THSD4: variants seen among roughly 807,000 people sequenced by gnomAD.
The protein encoded by THSD4 is thrombospondin type 1 domain containing 4, also known as thrombospondin type-1 domain-containing protein 4.
Under a neutral mutation model 119.0 loss-of-function variants are expected in THSD4, and 69 were observed. That is an observed-to-expected ratio of 0.58 (90% CI 0.48 to 0.71). The LOEUF is 0.71. THSD4 is among the 30% of genes least tolerant of loss of function. The pLI is 0.00. For synonymous variants in THSD4, 524 were observed against 540.4 expected, an observed-to-expected ratio of 0.97 and a Z score of 0.42; for missense variants, 1,393 against 1,391.1, an observed-to-expected ratio of 1.00 and a Z score of -0.02.
intron 15 of THSD4, among the ~76,000 whole-genome samples, chr15:71,762,546 A>G (rs952827548): frequency 5.9e-5 from 9 of 152,164 alleles, no homozygotes; most frequent in African/African-American, 1.9e-4. Flanking sequence ...TCTAGTTTCC[A>G]TGTCTCCTGA....
chr15:71,515,782 G>C (rs1249934052), intron 7 of THSD4, among the ~76,000 whole-genome samples: 1 of 152,160 alleles, frequency 6.6e-6, no homozygotes, highest in Non-Finnish European at 1.5e-5. Context: ...AGGTTGCCTC[G>C]GGTTTCACGG....
At chr15:71,508,180 G>A (rs558094187) in intron 7 of THSD4, among the ~76,000 whole-genome samples, 45 of 152,246 alleles carry the variant, frequency 3.0e-4, no homozygotes, top group Middle Eastern at 3.4e-3. Flanking sequence ...TCAGGAGTTT[G>A]CACCAGAGCC....
chr15:71,663,122 C>T (rs553836051), intron 8 of THSD4, among the ~76,000 whole-genome samples: 15 of 152,204 alleles, frequency 9.9e-5, no homozygotes, highest in African/African-American at 3.6e-4. Context: ...TGCGGTGACA[C>T]ATGCCTATAG....
chr15:71,346,534 T>G (rs779633115), intron 6 of THSD4, among the ~76,000 whole-genome samples: 19 of 152,214 alleles, frequency 1.2e-4, no homozygotes, highest in Non-Finnish European at 2.6e-4. Flanking sequence ...CATCACTCTT[T>G]GAGCACTTCT....
At chr15:71,609,237 T>C (rs113789399) in intron 7 of THSD4, among the ~76,000 whole-genome samples, 1 of 152,208 alleles carries the variant, frequency 6.6e-6, no homozygotes, top group African/African-American at 2.4e-5. Context: ...GTAACACATA[T>C]ATGAATTCAT....
chr15:71,397,823 T>G (rs557614194), intron 6 of THSD4, among the ~76,000 whole-genome samples: 2 of 152,214 alleles, frequency 1.3e-5, no homozygotes, highest in African/African-American at 4.8e-5. Context: ...ATAGTAATAG[T>G]GTCTACTTCT....
At chr15:71,772,312 A>G (rs926242684) in intron 17 of THSD4, among the ~76,000 whole-genome samples, 1 of 152,200 alleles carries the variant, frequency 6.6e-6, no homozygotes, top group Non-Finnish European at 1.5e-5. Context: ...TAAGTTTCCT[A>G]TGTCCCAGCA....
intron 6 of THSD4, among the ~76,000 whole-genome samples, chr15:71,307,975 C>T (rs1265895267): frequency 6.6e-6 from 1 of 152,150 alleles, no homozygotes; most frequent in Non-Finnish European, 1.5e-5. Flanking sequence ...CATGCTTCCC[C>T]ACCAGGGAAG....
intron 8 of THSD4, among the ~76,000 whole-genome samples, chr15:71,665,337 T>A (rs2051395631): frequency 4.4e-5 from 2 of 45,334 alleles, no homozygotes; most frequent in Admixed American, 7.8e-4. Context: ...GCCCACTTTT[T>A]AATGGGGTTG....
chr15:71,713,522 TGCTCGAATGTCTTCCATCTA>T (rs549066519), intron 8 of THSD4, among the ~76,000 whole-genome samples: 12 of 152,340 alleles, frequency 7.9e-5, no homozygotes, highest in African/African-American at 2.9e-4. Context: ...ATTGATGTCA[TGCTCGAATGTCTTCCATCTA>T]GCTTGAAAAT....
At chr15:71,273,417 G>A (rs190025827) in intron 6 of THSD4, among the ~76,000 whole-genome samples, 1 of 152,280 alleles carries the variant, frequency 6.6e-6, no homozygotes, top group Non-Finnish European at 1.5e-5. Flanking sequence ...AAAGTAAAAT[G>A]TTGGTCAAAG....
chr15:71,272,669 T>C (rs1418948674), intron 6 of THSD4, among the ~76,000 whole-genome samples: 1 of 151,940 alleles, frequency 6.6e-6, no homozygotes, highest in Non-Finnish European at 1.5e-5. Context: ...CAAAACCAGC[T>C]TGGCCACGTA....
chr15:71,725,242 C>T (rs971489106), intron 8 of THSD4, among the ~76,000 whole-genome samples: 1 of 135,210 alleles, frequency 7.4e-6, no homozygotes, highest in Non-Finnish European at 1.6e-5. Context: ...GATGGTGGTA[C>T]CATTTACTGA....
intron 7 of THSD4, among the ~76,000 whole-genome samples, chr15:71,651,113 C>A (rs1840129133): frequency 1.3e-5 from 2 of 152,068 alleles, no homozygotes; most frequent in South Asian, 4.1e-4. Flanking sequence ...CAAAGGCCTG[C>A]CCCCCAGTGG....
At chr15:71,631,569 T>C (rs2050629224) in intron 7 of THSD4, among the ~76,000 whole-genome samples, 1 of 152,178 alleles carries the variant, frequency 6.6e-6, no homozygotes, top group Non-Finnish European at 1.5e-5. Context: ...ACAGCTAGGC[T>C]TGAAAGAGGA....
intron 7 of THSD4, among the ~76,000 whole-genome samples, chr15:71,456,969 TGAACTTTGTCTCATTGAGA>T (rs998103983): frequency 5.9e-4 from 90 of 152,254 alleles, no homozygotes; most frequent in African/African-American, 1.5e-3. Flanking sequence ...GGCTGACTTG[TGAACTTTGTCTCATTGAGA>T]GAACTTTGTC....
intron 6 of THSD4, among the ~76,000 whole-genome samples, chr15:71,371,413 G>T (rs2046045540): frequency 6.6e-6 from 1 of 152,176 alleles, no homozygotes; most frequent in African/African-American, 2.4e-5. Context: ...GCAGTGGCTG[G>T]TGCTGGTTGT....
intron 6 of THSD4, among the ~76,000 whole-genome samples, chr15:71,303,430 T>C (rs1194380981): frequency 1.3e-5 from 2 of 152,194 alleles, no homozygotes; most frequent in Non-Finnish European, 2.9e-5. Context: ...AAATGGCCTC[T>C]AACGTTGCAA....
intron 6 of THSD4, among the ~76,000 whole-genome samples, chr15:71,335,826 C>T (rs2045483047): frequency 6.6e-6 from 1 of 152,080 alleles, no homozygotes; most frequent in African/African-American, 2.4e-5. Flanking sequence ...AGGGAGTTTC[C>T]TGCAGAATTA....
Sources: allele counts gnomAD v4.1 joint callset (sites outside exome capture counted in the v4.1 genomes callset), GRCh38; gene constraint gnomAD v4.1.1; transcripts MANE v1.5; gene names NCBI Gene and HGNC (gene_info 2026-07-23, HGNC 2026-07-21).